RNF6: variants seen among roughly 807,000 people sequenced by gnomAD.
RNF6 encodes E3 ubiquitin-protein ligase RNF6.
A neutral mutation model predicts 50.1 loss-of-function variants in RNF6; 21 were observed. That is an observed-to-expected ratio of 0.42 (90% CI 0.30 to 0.60). The LOEUF (loss-of-function observed/expected upper bound fraction) is 0.60. Ranked by LOEUF, RNF6 falls within the 20% of genes least tolerant of loss-of-function variation. RNF6 has a pLI of 0.20. For synonymous variants in RNF6, 255 were observed against 291.8 expected (o/e 0.87, Z 1.29); for missense variants, 698 against 838.2 (o/e 0.83, Z 2.07).
chr13:26,221,458 T>A (rs1870484029), intron 1 of RNF6, 128 bp from the exon 2 acceptor site: 1 of 152,214 alleles, frequency 6.6e-6, no homozygotes, highest in Non-Finnish European at 1.5e-5. Flanking sequence ...TAGACACATC[T>A]AGAAAATTAG....
At chr13:26,218,270 T>A in intron 4 of RNF6, among the ~76,000 whole-genome samples, 1 of 152,222 alleles carries the variant, frequency 6.6e-6, no homozygotes, top group South Asian at 2.1e-4. Context: ...TTAACTTAAT[T>A]GTATATTATT....
chr13:26,150,650 T>C (rs1188690023), intron 5 of RNF6, among the ~76,000 whole-genome samples: 1 of 152,022 alleles, frequency 6.6e-6, no homozygotes, highest in Non-Finnish European at 1.5e-5. Flanking sequence ...TAACTTAAAA[T>C]TTAAAACCTC....
rs1869737939 is a variant in RNF6 at position 26,215,191 on chromosome 13, T to C, written c.691A>G (p.Thr231Ala). 2 of 1,614,218 alleles carry C rather than the reference T, an allele frequency of 1.2e-6. No individual in the cohort carries two copies. Among genetic ancestry groups the C allele is most frequent in the Non-Finnish European group, 1.7e-6 (2 of 1,180,034 alleles). Reference sequence around the variant, plus strand: ...ATTCCATTTCTTAACCTTCCCAATGTTGAGAAAGATCCTTCAGCTGGATTT... The same window carrying C: ...ATTCCATTTCTTAACCTTCCCAATGCTGAGAAAGATCCTTCAGCTGGATTT... ...GQNPAEGSFS[T>A]LGRLRNGIGG... Residue 231 changes from threonine (T) to alanine (A), a missense_variant, in exon 5 of 5, where the codon ACA (threonine) becomes GCA (alanine). Transcript: ENST00000381588.
At chr13:26,207,709 T>C (rs772489616) in intron 5 of RNF6, among the ~76,000 whole-genome samples, 1 of 152,214 alleles carries the variant, frequency 6.6e-6, no homozygotes, top group African/African-American at 2.4e-5. Context: ...GACAACATCC[T>C]AAACTGAGTT....
chr13:26,171,127 T>C (rs1329536398), intron 5 of RNF6, among the ~76,000 whole-genome samples: 1 of 152,152 alleles, frequency 6.6e-6, no homozygotes, highest in Non-Finnish European at 1.5e-5. Context: ...GACAACAGAA[T>C]GGGAGAAAAT....
chr13:26,149,868 GTGTA>G (rs534565827), intron 5 of RNF6, among the ~76,000 whole-genome samples: 1 of 81,796 alleles, frequency 1.2e-5, no homozygotes, highest in African/African-American at 4.6e-5. Flanking sequence ...TAATGTGTGT[GTGTA>G]TATATATATA....
chr13:26,159,543 T>C (rs976575797), intron 5 of RNF6, among the ~76,000 whole-genome samples: 14 of 152,108 alleles, frequency 9.2e-5, no homozygotes, highest in African/African-American at 3.1e-4. Context: ...GAGAATGGCG[T>C]GAACCCAGGA....
In RNF6 at chr13:26,149,565, C is replaced by A. The variant is rs7334003; in HGVS notation, n.769-17114G>T. Among the ~76,000 whole-genome samples the A allele has an allele frequency of 7.3e-4, 109 of 149,888 alleles. 1 individual carries two copies. The highest frequency in any genetic ancestry group is 1.3e-3 in the South Asian group (6 of 4,736). On this transcript the variant is annotated intron_variant and non_coding_transcript_variant, in intron 5 of 5. Transcript: ENST00000468480. ...TTGTGCCACTGCACTCCAGCCTGGG[C>A]AACAGGGTGAGACTCCGTCTAAAAA...
chr13:26,147,844 T>C (rs1871330444), intron 5 of RNF6, among the ~76,000 whole-genome samples: 1 of 152,234 alleles, frequency 6.6e-6, no homozygotes, highest in Non-Finnish European at 1.5e-5. Flanking sequence ...GCACTTTAGC[T>C]GGAAATTCAA....
chr13:26,183,263 A>C (rs1873327656), intron 5 of RNF6, among the ~76,000 whole-genome samples: 1 of 152,240 alleles, frequency 6.6e-6, no homozygotes. Context: ...AAAACTTGAC[A>C]CACGAGAACA....
chr13:26,171,357 C>T (rs1340886321), intron 5 of RNF6, among the ~76,000 whole-genome samples: 1 of 152,040 alleles, frequency 6.6e-6, no homozygotes, highest in Non-Finnish European at 1.5e-5. Flanking sequence ...CACTTCACAC[C>T]TATTAAGGTG....
chr13:26,142,636 T>C (rs971613899), intron 5 of RNF6, among the ~76,000 whole-genome samples: 4 of 149,956 alleles, frequency 2.7e-5, no homozygotes, highest in African/African-American at 9.7e-5. Flanking sequence ...AAACCTAATA[T>C]CACATGTTCT....
chr13:26,193,813 G>T (rs2137690291), intron 5 of RNF6, among the ~76,000 whole-genome samples: 1 of 152,280 alleles, frequency 6.6e-6, no homozygotes, highest in Non-Finnish European at 1.5e-5. Context: ...CAAATGGAAG[G>T]GTTGATCTTA....
intron 4 of RNF6, among the ~76,000 whole-genome samples, chr13:26,216,170 G>A (rs958473111): frequency 6.6e-6 from 1 of 152,200 alleles, no homozygotes; most frequent in Non-Finnish European, 1.5e-5. Flanking sequence ...GTGTGAAGCT[G>A]AGAAACCAGG....
intron 5 of RNF6, among the ~76,000 whole-genome samples, chr13:26,161,718 G>A (rs1210899141): frequency 6.6e-6 from 1 of 152,152 alleles, no homozygotes; most frequent in African/African-American, 2.4e-5. Flanking sequence ...TGAGCAGTTT[G>A]TGTTTTCTCT....
At chr13:26,188,936 A>C (rs1376288759) in intron 5 of RNF6, among the ~76,000 whole-genome samples, 1 of 151,942 alleles carries the variant, frequency 6.6e-6, no homozygotes, top group South Asian at 2.1e-4. Context: ...CTCAGAACAG[A>C]TTTCTGAAGA....
chr13:26,150,660 C>G (rs1484286575), intron 5 of RNF6: 1 of 151,630 alleles, frequency 6.6e-6, no homozygotes, highest in African/African-American at 2.4e-5. Context: ...TTTAAAACCT[C>G]AAAACTTGAA....
chr13:26,144,945 A>G (rs1871150845), intron 5 of RNF6: 1 of 152,216 alleles, frequency 6.6e-6, no homozygotes. Context: ...TCCAGTCAGC[A>G]TAATGTCTTC....
At chr13:26,211,928 TTC>T (rs940409698), downstream of RNF6, among the ~76,000 whole-genome samples, 2 of 152,220 alleles carry the variant, frequency 1.3e-5, no homozygotes, top group Non-Finnish European at 2.9e-5. Flanking sequence ...ACCTAGGTGA[TTC>T]TCTCTTCCAC....
Sources: gnomAD v4.1 joint callset for allele counts (sites outside exome capture counted in the v4.1 genomes callset) on GRCh38, gnomAD v4.1.1 for gene constraint, MANE v1.5 for transcripts, NCBI Gene and HGNC (gene_info 2026-07-23, HGNC 2026-07-21) for gene names.